The following XRCC4 variants were observed in gnomAD, a reference collection of about 807,000 sequenced individuals.
The protein encoded by XRCC4 is X-ray repair cross complementing 4, also known as DNA repair protein XRCC4.
In XRCC4, 28 loss-of-function variants were observed where a neutral mutation model predicts 39.1. The observed-to-expected ratio is 0.72, with a 90% CI of 0.53 to 0.98. XRCC4 has a LOEUF of 0.98. Ranked by LOEUF, XRCC4 falls within the 50% of genes least tolerant of loss-of-function variation. XRCC4 has a pLI of 0.00. For synonymous variants in XRCC4, 123 were observed against 126.4 expected (o/e 0.97, Z 0.18); for missense variants, 350 against 376.4 (o/e 0.93, Z 0.58).
At chr5:83,132,979 T>C (rs935890369) in intron 3 of XRCC4, among the ~76,000 whole-genome samples, 7 of 152,278 alleles carry the variant, frequency 4.6e-5, no homozygotes, top group Admixed American at 4.6e-4. Flanking sequence ...ATTTTTAGAA[T>C]TTTCAGCTTT....
chr5:83,227,978 A>T (rs1414305613), intron 6 of XRCC4, among the ~76,000 whole-genome samples: 1 of 152,020 alleles, frequency 6.6e-6, no homozygotes, highest in Non-Finnish European at 1.5e-5. Flanking sequence ...CTGAGAATGA[A>T]CAAAAATGGT....
At chr5:83,203,890 C>CT (rs1261188369) in intron 5 of XRCC4, among the ~76,000 whole-genome samples, 183 bp downstream of exon 5, 1 of 152,006 alleles carries the variant, frequency 6.6e-6, no homozygotes. Context: ...CATGGTCTCT[C>CT]TATGTCTGCT....
chr5:83,272,758 C>T (rs1042104929), intron 7 of XRCC4, among the ~76,000 whole-genome samples: 12 of 152,222 alleles, frequency 7.9e-5, no homozygotes, highest in South Asian at 2.1e-4. Context: ...GCATTAACTC[C>T]TTAATTTTTA....
intron 6 of XRCC4, among the ~76,000 whole-genome samples, chr5:83,244,974 T>G (rs1160164357): frequency 6.6e-6 from 1 of 152,202 alleles, no homozygotes; most frequent in African/African-American, 2.4e-5. Flanking sequence ...ACTGCTGTTT[T>G]GAAGTAAAAT....
chr5:83,309,365 C>T (rs56365892), intron 7 of XRCC4, among the ~76,000 whole-genome samples: 2,784 of 131,940 alleles, frequency 0.021, 85 homozygotes, highest in African/African-American at 0.075. Flanking sequence ...ATTGAAATAT[C>T]GACACTGAAA....
intron 7 of XRCC4, among the ~76,000 whole-genome samples, chr5:83,311,449 G>A (rs1261756294): frequency 6.6e-6 from 1 of 151,952 alleles, no homozygotes; most frequent in Non-Finnish European, 1.5e-5. Context: ...TTATATGAAT[G>A]TATCAAATTA....
intron 3 of XRCC4, among the ~76,000 whole-genome samples, chr5:83,144,948 T>G (rs1329911304): frequency 6.6e-6 from 1 of 152,142 alleles, no homozygotes; most frequent in South Asian, 2.1e-4. Flanking sequence ...CAGGCTGGAG[T>G]GCAGTGGTGC....
chr5:83,113,002 A>T (rs1746521475), intron 3 of XRCC4, among the ~76,000 whole-genome samples: 1 of 152,146 alleles, frequency 6.6e-6, no homozygotes, highest in Non-Finnish European at 1.5e-5. Context: ...AGAGTCCCCC[A>T]GAGTCTTAAC....
intron 7 of XRCC4, among the ~76,000 whole-genome samples, chr5:83,340,773 TTA>T (rs990946008): frequency 6.6e-6 from 1 of 152,174 alleles, no homozygotes; most frequent in Non-Finnish European, 1.5e-5. Flanking sequence ...TTCTAAGGCA[TTA>T]TGTTATGGTA....
intron 6 of XRCC4, among the ~76,000 whole-genome samples, chr5:83,209,891 A>G (rs1293783451): frequency 1.3e-5 from 2 of 152,140 alleles, no homozygotes; most frequent in African/African-American, 4.8e-5. Flanking sequence ...CCACTTTTCT[A>G]CATAATTACT....
intron 7 of XRCC4, among the ~76,000 whole-genome samples, chr5:83,281,926 G>T (rs1344309346): frequency 6.6e-6 from 1 of 152,164 alleles, no homozygotes; most frequent in Non-Finnish European, 1.5e-5. Flanking sequence ...TGACTGCCTG[G>T]ACAGATCATT....
At chr5:83,268,882 T>C (rs1328280334) in intron 7 of XRCC4, among the ~76,000 whole-genome samples, 4 of 152,286 alleles carry the variant, frequency 2.6e-5, no homozygotes, top group Non-Finnish European at 1.5e-5. Context: ...AGTAATGAGA[T>C]ATTAATACAA....
intron 7 of XRCC4, among the ~76,000 whole-genome samples, chr5:83,340,829 G>A (rs906302404): frequency 3.9e-5 from 6 of 152,176 alleles, no homozygotes; most frequent in East Asian, 1.9e-4. Context: ...CTCATCCCAC[G>A]CTATGGTGAA....
chr5:83,126,104 G>T (rs1461428548), intron 3 of XRCC4, among the ~76,000 whole-genome samples: 1 of 149,936 alleles, frequency 6.7e-6, no homozygotes, highest in Admixed American at 6.7e-5. Flanking sequence ...TTTAAAATCA[G>T]TTTTACTCTA....
intron 7 of XRCC4, among the ~76,000 whole-genome samples, chr5:83,277,341 C>G (rs906777224): frequency 4.6e-5 from 7 of 152,182 alleles, no homozygotes; most frequent in African/African-American, 1.7e-4. Flanking sequence ...ACATGTGTAA[C>G]TTCTGAGCCA....
At chr5:83,356,225 G>A (rs16900359), downstream of XRCC4, among the ~76,000 whole-genome samples, 5 of 151,956 alleles carry the variant, frequency 3.3e-5, no homozygotes, top group African/African-American at 9.7e-5. Context: ...AAGTGATTTT[G>A]TATGTGAAAT....
intron 3 of XRCC4, among the ~76,000 whole-genome samples, chr5:83,152,571 T>C (rs1436921141): frequency 2.0e-5 from 3 of 147,606 alleles, no homozygotes; most frequent in Non-Finnish European, 4.4e-5. Flanking sequence ...AGGCAGAGGT[T>C]GCAGTGAGCC....
the XRCC4 span, among the ~76,000 whole-genome samples, chr5:83,368,060 ACAC>A: frequency 1.4e-5 from 2 of 147,668 alleles, no homozygotes; most frequent in Non-Finnish European, 3.0e-5. Context: ...AATGATCTCT[ACAC>A]TGAACCCCAA....
At chr5:83,294,661 A>G (rs28360284) in intron 7 of XRCC4, among the ~76,000 whole-genome samples, 5,746 of 152,122 alleles carry the variant, frequency 0.038, 343 homozygotes, top group African/African-American at 0.13. Flanking sequence ...TTGCCTTATT[A>G]GTTCATAGGC....
Sources: allele counts gnomAD v4.1 joint callset (sites outside exome capture counted in the v4.1 genomes callset), GRCh38; gene constraint gnomAD v4.1.1; transcripts MANE v1.5; gene names NCBI Gene and HGNC (gene_info 2026-07-23, HGNC 2026-07-21).